Variants in GRID2 observed in about 807,000 individuals in gnomAD.
GRID2 encodes glutamate receptor ionotropic, delta-2.
Under a neutral mutation model 114.8 loss-of-function variants are expected in GRID2, and 33 were observed. The observed-to-expected ratio is 0.29, with a 90% CI of 0.22 to 0.38. The LOEUF is 0.38. GRID2 is among the 10% of genes least tolerant of loss of function. GRID2 has a pLI of 1.00. For missense variants in GRID2, 1,184 were observed against 1,257.7 expected (o/e 0.94, Z 0.89); for synonymous variants, 505 against 449.9 (o/e 1.12, Z -1.55).
chr4:93,110,692 G>T, intron 3 of GRID2, 56 bp from the exon 4 acceptor site: 7 of 1,125,670 alleles, frequency 6.2e-6, no homozygotes, highest in Non-Finnish European at 8.2e-6. Context: ...AATAGCTTAT[G>T]CCTTCCTTCT....
chr4:92,619,138 T>C (rs990572750), intron 2 of GRID2, among the ~76,000 whole-genome samples: 1 of 151,708 alleles, frequency 6.6e-6, no homozygotes, highest in African/African-American at 2.4e-5. Context: ...TCAGAGCTTG[T>C]GTTTACGTAG....
chr4:93,591,892 C>A (rs1042314743), intron 13 of GRID2, among the ~76,000 whole-genome samples: 7 of 152,002 alleles, frequency 4.6e-5, no homozygotes, highest in African/African-American at 2.4e-5. Context: ...TCTGTGGGAT[C>A]GGTGGTGATA....
chr4:93,719,148 A>G (rs2110189467), intron 14 of GRID2, among the ~76,000 whole-genome samples: 1 of 152,064 alleles, frequency 6.6e-6, no homozygotes, highest in South Asian at 2.1e-4. Flanking sequence ...ATAATATATT[A>G]CAAATATTTC....
At chr4:93,045,013 A>G (rs899958762) in intron 2 of GRID2, among the ~76,000 whole-genome samples, 1 of 152,072 alleles carries the variant, frequency 6.6e-6, no homozygotes, top group African/African-American at 2.4e-5. Flanking sequence ...TTATCAAGAA[A>G]CTGTTTCTTG....
At chr4:92,721,132 G>A (rs1230983796) in intron 2 of GRID2, among the ~76,000 whole-genome samples, 1 of 152,058 alleles carries the variant, frequency 6.6e-6, no homozygotes, top group Non-Finnish European at 1.5e-5. Flanking sequence ...AGGTAAAATG[G>A]TAGTTGCCAA....
Position 92,411,651 on chromosome 4 carries a change from GTGTGTATATATA to G in GRID2, c.88+106909_88+106920del, listed in dbSNP as rs1443158856. Among the ~76,000 whole-genome samples, 16 of 96,360 alleles carry G rather than the reference GTGTGTATATATA, an allele frequency of 1.7e-4. 1 individual carries two copies. The highest frequency in any genetic ancestry group is 8.3e-4 in the African/African-American group (16 of 19,162). The allele number at this position is 96,360 out of a possible 152,430, so 63.2% of individuals were successfully genotyped here. On this transcript the variant is annotated intron_variant, in intron 1 of 15. Coordinates refer to ENST00000282020, the MANE Select transcript of GRID2 (RefSeq NM_001510.4). ...TGTGTGTGTGTGTGTGTGTGTGTGT[GTGTGTATATATA>G]TATATATATATATATGAAATATACC...
intron 2 of GRID2, among the ~76,000 whole-genome samples, chr4:92,951,202 A>G (rs1164029061): frequency 1.3e-5 from 2 of 152,130 alleles, no homozygotes; most frequent in Non-Finnish European, 2.9e-5. Context: ...CATCACTACA[A>G]CAGAATCATC....
intron 8 of GRID2, among the ~76,000 whole-genome samples, chr4:93,309,361 C>T (rs906270269): frequency 7.9e-5 from 12 of 151,960 alleles, no homozygotes; most frequent in African/African-American, 2.9e-4. Context: ...ATGGCGAAAC[C>T]CTGTCTCTGT....
intron 13 of GRID2, among the ~76,000 whole-genome samples, chr4:93,568,324 T>C (rs1231562724): frequency 6.6e-6 from 1 of 152,186 alleles, no homozygotes; most frequent in Non-Finnish European, 1.5e-5. Flanking sequence ...CCTGAGGAGT[T>C]CCATGGTTCT....
intron 2 of GRID2, among the ~76,000 whole-genome samples, chr4:92,938,077 C>G (rs1750800107): frequency 6.8e-6 from 1 of 146,412 alleles, no homozygotes. Flanking sequence ...TTTTTAAATG[C>G]TCTTTATGCA....
At chr4:93,053,443 G>T (rs1726916147) in intron 2 of GRID2, among the ~76,000 whole-genome samples, 1 of 151,848 alleles carries the variant, frequency 6.6e-6, no homozygotes, top group Non-Finnish European at 1.5e-5. Flanking sequence ...GTGTTCGTAG[G>T]CTGTGGTCAC....
chr4:92,482,879 C>A (rs1722684666), intron 1 of GRID2, among the ~76,000 whole-genome samples: 1 of 152,140 alleles, frequency 6.6e-6, no homozygotes, highest in African/African-American at 2.4e-5. Context: ...TCTCTAAATT[C>A]TATGTCTATC....
chr4:93,594,950 G>A (rs1018234090), intron 13 of GRID2, among the ~76,000 whole-genome samples: 1 of 152,176 alleles, frequency 6.6e-6, no homozygotes, highest in African/African-American at 2.4e-5. Flanking sequence ...TGCACCCACT[G>A]TCTGGCACTC....
intron 3 of GRID2, among the ~76,000 whole-genome samples, chr4:93,099,019 GTGTGTGTGTA>G (rs1731470761): frequency 6.6e-6 from 1 of 151,124 alleles, no homozygotes; most frequent in East Asian, 1.9e-4. Flanking sequence ...GTGTGTGTGT[GTGTGTGTGTA>G]TGATACACAT....
chr4:93,545,729 G>A (rs1361103237), intron 13 of GRID2, among the ~76,000 whole-genome samples: 1 of 152,090 alleles, frequency 6.6e-6, no homozygotes, highest in Non-Finnish European at 1.5e-5. Flanking sequence ...GTATGCATAT[G>A]TAAAAATTAG....
chr4:93,321,880 G>A (rs947506726), intron 8 of GRID2, among the ~76,000 whole-genome samples: 1 of 151,484 alleles, frequency 6.6e-6, no homozygotes, highest in Non-Finnish European at 1.5e-5. Context: ...TCCAATTAAA[G>A]CGTTGTTACT....
chr4:93,592,894 G>A (rs1162109744), intron 13 of GRID2, among the ~76,000 whole-genome samples: 1 of 151,322 alleles, frequency 6.6e-6, no homozygotes, highest in Non-Finnish European at 1.5e-5. Context: ...GCCTTTTTTT[G>A]TTTTCCATTT....
chr4:93,103,181 G>A (rs1163460218), intron 3 of GRID2, among the ~76,000 whole-genome samples: 1 of 151,990 alleles, frequency 6.6e-6, no homozygotes, highest in Non-Finnish European at 1.5e-5. Flanking sequence ...TTCCACCAGC[G>A]CTAACTTGGG....
chr4:93,042,230 T>C (rs1725589066), intron 2 of GRID2, among the ~76,000 whole-genome samples: 1 of 150,054 alleles, frequency 6.7e-6, no homozygotes, highest in African/African-American at 2.4e-5. Context: ...ATATATATTT[T>C]AAATAATATA....
Sources: gnomAD v4.1 joint callset for allele counts (sites outside exome capture counted in the v4.1 genomes callset) on GRCh38, gnomAD v4.1.1 for gene constraint, MANE v1.5 for transcripts, NCBI Gene and HGNC (gene_info 2026-07-23, HGNC 2026-07-21) for gene names.